DMD: variants seen among roughly 807,000 people sequenced by gnomAD.
DMD encodes mutant dystrophin.
A neutral mutation model predicts 330.1 loss-of-function variants in DMD; 63 were observed. The observed-to-expected ratio is 0.19, with a 90% confidence interval of 0.16 to 0.24. The LOEUF (loss-of-function observed/expected upper bound fraction) is 0.24, where lower values mean the gene tolerates loss of function less well. Among genes scored for constraint, DMD ranks in the 10% least tolerant of loss-of-function variants. The pLI is 1.00. For synonymous variants in DMD, 1,223 were observed against 959.8 expected (o/e 1.27, Z -5.07); for missense variants, 3,344 against 2,684.1 (o/e 1.25, Z -5.43).
intron 1 of DMD, among the ~76,000 whole-genome samples, chrX:33,158,028 G>A (rs771056410): frequency 1.8e-5 from 2 of 111,808 alleles, no homozygotes; most frequent in Non-Finnish European, 3.8e-5. Flanking sequence ...GAGAAGTCAT[G>A]CTTGGCTATA....
rs1172602723 is a variant in DMD, at chrX:31,569,585, AAT to A, written c.8217+58086_8217+58087del. Among the ~76,000 whole-genome samples, 153 of 89,416 alleles carry A rather than the reference AAT, an allele frequency of 1.7e-3. 2 individuals carry two copies. The South Asian group carries it at 0.021, about 12-fold the overall frequency. The allele number at this position is 89,416 out of a possible 115,157, so 77.6% of individuals were successfully genotyped here. On this transcript the variant is annotated intron_variant, in intron 55 of 78. Transcript: ENST00000357033. Reference sequence around the variant, plus strand: ...TATATATATATGTGTATATATATAAAATATATATATACACATATATGTATATA... The same window carrying A: ...TATATATATATGTGTATATATATAAAATATATATACACATATATGTATATA...
intron 2 of DMD, among the ~76,000 whole-genome samples, chrX:32,961,857 T>C (rs1224822017): frequency 8.9e-6 from 1 of 111,749 alleles, no homozygotes; most frequent in Admixed American, 9.6e-5. Flanking sequence ...CATCCCAGTT[T>C]TGCACATATT....
At position 32,815,494 on chromosome X, in the gene DMD, CAT is replaced by C. The variant is rs1557051738; in HGVS notation, c.530+972_530+973del. 3.0e-3 allele frequency among the ~76,000 whole-genome samples: 218 copies of C among 71,803 alleles called. 2 individuals are homozygous for C. Among genetic ancestry groups the C allele is most frequent in the Admixed American group, 5.1e-3 (29 of 5,679 alleles). 62.4% of individuals were successfully genotyped at this position (71,803 alleles called of 115,157 possible). On this transcript the variant is annotated intron_variant, in intron 6 of 78. Transcript: ENST00000357033. ...TCTCTCTCAAATACACACACACAAG[CAT>C]ATATATATATATATATATATATATA...
intron 1 of DMD, among the ~76,000 whole-genome samples, chrX:33,311,212 TAA>T (rs1491094611): frequency 1.8e-5 from 2 of 109,750 alleles, no homozygotes; most frequent in Non-Finnish European, 3.8e-5. Context: ...CACTTAACTA[TAA>T]TATATATATA....
intron 1 of DMD, among the ~76,000 whole-genome samples, chrX:33,219,775 C>T (rs544597710): frequency 2.7e-5 from 3 of 111,508 alleles, no homozygotes; most frequent in African/African-American, 9.8e-5. Flanking sequence ...ATAGTAAATG[C>T]ATTGATGCTA....
chrX:31,186,898 C>T (rs1172509638), intron 67 of DMD, among the ~76,000 whole-genome samples: 1 of 112,415 alleles, frequency 8.9e-6, no homozygotes, highest in Non-Finnish European at 1.9e-5. Context: ...AGCCACTACA[C>T]CACCCATGTG....
chrX:32,317,918 T>A (rs2097589472), intron 41 of DMD, among the ~76,000 whole-genome samples: 1 of 110,317 alleles, frequency 9.1e-6, no homozygotes, highest in Non-Finnish European at 1.9e-5. Flanking sequence ...AATGATTTAG[T>A]GTGAGCTATA....
In DMD at chrX:31,705,795, T is replaced by G. The variant is rs186712122; in HGVS notation, c.7660+23836A>C. Among the ~76,000 whole-genome samples the G allele has an allele frequency of 6.7e-3, 744 of 111,658 alleles. 7 individuals are homozygous for G. Among genetic ancestry groups the G allele is most frequent in the African/African-American group, 0.019 (581 of 30,777 alleles). ...AATGTAATATAGACAGTTTGCCATA[T>G]GGAATAGATGAAATAGGTGAGAGGC... On this transcript the variant is annotated intron_variant, in intron 52 of 78. Transcript: ENST00000357033.
At chrX:32,835,863 A>G (rs1478904315) in intron 4 of DMD, among the ~76,000 whole-genome samples, 3 of 111,449 alleles carry the variant, frequency 2.7e-5, no homozygotes, top group Non-Finnish European at 5.6e-5. Context: ...ATCATTTTGA[A>G]AAGACACTTC....
At chrX:32,375,924 G>GA (rs754101988) in intron 34 of DMD, among the ~76,000 whole-genome samples, 20 of 111,545 alleles carry the variant, frequency 1.8e-4, no homozygotes, top group African/African-American at 6.5e-4. Flanking sequence ...AACAAATGGT[G>GA]AATTGCCCCC....
chrX:32,665,649 CA>C (rs2061253960), intron 9 of DMD, among the ~76,000 whole-genome samples: 1 of 110,892 alleles, frequency 9.0e-6, no homozygotes. Context: ...TACAAGTAAG[CA>C]AAAAATATAT....
chrX:32,587,361 G>A (rs1443887019), intron 13 of DMD, among the ~76,000 whole-genome samples: 1 of 112,170 alleles, frequency 8.9e-6, no homozygotes, highest in African/African-American at 3.2e-5. Context: ...CCAAAGAGAT[G>A]TTACCATTAA....
chrX:32,475,598 TTTG>T (rs1044787388), intron 21 of DMD, among the ~76,000 whole-genome samples: 1 of 111,336 alleles, frequency 9.0e-6, no homozygotes, highest in Non-Finnish European at 1.9e-5. Flanking sequence ...TCCTAAGTTT[TTTG>T]TTGTTGTTGT....
Position 31,178,783 on chromosome X carries a change from C to T in DMD, c.10109G>A (p.Arg3370Gln). 2.5e-6 allele frequency: 3 copies of T among 1,210,773 alleles called. No individual in the cohort carries two copies. The highest frequency in any genetic ancestry group is 3.4e-6 in the Non-Finnish European group (3 of 894,734). ...GTTTTTTAGTACCTTGGCAAAGTCT[C>T]GAACATCTTCTCCTGATGTAGTCTA... ...CTPTTSGEDV[R>Q]DFAKVLKNKF... Residue 3370 changes from arginine (R) to glutamine (Q), a missense_variant, in exon 70 of 79, where the codon CGA (arginine) becomes CAA (glutamine). Transcript: ENST00000357033.
At chrX:32,019,599 G>A (rs2095792655) in intron 44 of DMD, among the ~76,000 whole-genome samples, 4 of 110,309 alleles carry the variant, frequency 3.6e-5, no homozygotes, top group Admixed American at 9.7e-5. Flanking sequence ...ACTTTTATTC[G>A]TATCTTTCTT....
At position 32,920,613 on chromosome X, in the gene DMD, G is replaced by A. The variant is rs191403462; in HGVS notation, c.94-70793C>T. Among the ~76,000 whole-genome samples the A allele has an allele frequency of 1.9e-4, 21 of 111,517 alleles. No homozygotes were observed. The East Asian group carries it at 4.0e-3, about 21-fold the overall frequency. ...ACCAGAAGTATACAATTGAATTTTT[G>A]ATAAACACACCAGAAATTAGATGTG... On this transcript the variant is annotated intron_variant, in intron 2 of 78. Transcript: ENST00000357033.
At chrX:32,647,202 TTG>T (rs1279875356) in intron 9 of DMD, among the ~76,000 whole-genome samples, 2 of 111,428 alleles carry the variant, frequency 1.8e-5, no homozygotes, top group Admixed American at 9.6e-5. Flanking sequence ...ATTTTTGAAT[TTG>T]TGTTTTAGAA....
intron 2 of DMD, among the ~76,000 whole-genome samples, chrX:32,987,247 G>A (rs945778045): frequency 6.3e-5 from 7 of 111,927 alleles, no homozygotes; most frequent in African/African-American, 1.6e-4. Context: ...AAAGCTAGAC[G>A]GATCAAAAGG....
chrX:31,206,735 A>C (rs2044111147), intron 65 of DMD, 68 bp from the exon 66 acceptor site: 1 of 913,465 alleles, frequency 1.1e-6, no homozygotes, highest in Non-Finnish European at 1.6e-6. Flanking sequence ...CTTCTAGTTA[A>C]GAATAAAGCC....
Sources: allele counts gnomAD v4.1 joint callset (sites outside exome capture counted in the v4.1 genomes callset), GRCh38; gene constraint gnomAD v4.1.1; transcripts MANE v1.5; gene names NCBI Gene and HGNC (gene_info 2026-07-23, HGNC 2026-07-21).